Variants in DLG2 observed in about 807,000 individuals in gnomAD.
DLG2 encodes disks large homolog 2.
DLG2 carries 45 observed loss-of-function variants against 132.5 expected under a neutral mutation model. The ratio of observed to expected loss-of-function variants is 0.34; its 90% confidence interval spans 0.27 to 0.44. The LOEUF is 0.44. Ranked by LOEUF, DLG2 falls within the 20% of genes least tolerant of loss-of-function variation. DLG2 has a pLI of 1.00. For missense variants in DLG2, 1,045 were observed against 1,196.9 expected, an observed-to-expected ratio of 0.87 and a Z score of 1.87; for synonymous variants, 424 against 419.6, an observed-to-expected ratio of 1.01 and a Z score of -0.13.
chr11:84,124,554 T>C (rs1420519040), intron 9 of DLG2, among the ~76,000 whole-genome samples: 1 of 152,234 alleles, frequency 6.6e-6, no homozygotes, highest in Non-Finnish European at 1.5e-5. Flanking sequence ...TCTGTCATGA[T>C]AGACGCTTAA....
At chr11:83,635,749 C>T (rs995757981) in intron 18 of DLG2, among the ~76,000 whole-genome samples, 11 of 152,138 alleles carry the variant, frequency 7.2e-5, no homozygotes, top group African/African-American at 2.7e-4. Flanking sequence ...TCTTAATAGT[C>T]TATTCCATAG....
chr11:84,667,504 T>TTTG (rs2099701101), intron 6 of DLG2, among the ~76,000 whole-genome samples: 1 of 144,514 alleles, frequency 6.9e-6, no homozygotes, highest in African/African-American at 2.6e-5. Context: ...TTTTGTTTTT[T>TTTG]TTTTTTTTTT....
chr11:83,777,845 G>A (rs1256465045), intron 18 of DLG2, among the ~76,000 whole-genome samples: 1 of 152,088 alleles, frequency 6.6e-6, no homozygotes, highest in Admixed American at 6.6e-5. Context: ...GTTATTTGAT[G>A]GCATGTTTTA....
At chr11:84,290,786 G>T (rs1160699077) in intron 7 of DLG2, among the ~76,000 whole-genome samples, 3 of 152,116 alleles carry the variant, frequency 2.0e-5, no homozygotes, top group African/African-American at 7.2e-5. Flanking sequence ...CTCCCAGAAA[G>T]TAGAAATTGT....
chr11:84,485,403 T>C (rs1030106019), intron 7 of DLG2, among the ~76,000 whole-genome samples: 25 of 152,252 alleles, frequency 1.6e-4, no homozygotes, highest in East Asian at 1.9e-4. Flanking sequence ...AGGATGATAA[T>C]TGAATAAGCA....
At chr11:85,537,850 C>T (rs112211228) in intron 3 of DLG2, among the ~76,000 whole-genome samples, 23,846 of 151,912 alleles carry the variant, frequency 0.16, 2,545 homozygotes, top group East Asian at 0.28. Flanking sequence ...GGCGTGGTGG[C>T]TCAAGCCTGT....
At chr11:85,082,405 A>T (rs1026177414) in intron 6 of DLG2, among the ~76,000 whole-genome samples, 1 of 152,120 alleles carries the variant, frequency 6.6e-6, no homozygotes, top group African/African-American at 2.4e-5. Context: ...CTCATAGTAA[A>T]AGGTGATCTC....
At chr11:84,140,120 A>C (rs910890648) in intron 9 of DLG2, among the ~76,000 whole-genome samples, 1 of 152,224 alleles carries the variant, frequency 6.6e-6, no homozygotes, top group Admixed American at 6.5e-5. Flanking sequence ...AAACAAAAAA[A>C]CCACAGTCAC....
At chr11:85,331,962 AT>A (rs2081787222) in intron 3 of DLG2, among the ~76,000 whole-genome samples, 1 of 152,182 alleles carries the variant, frequency 6.6e-6, no homozygotes. Context: ...AATGGTTTGT[AT>A]TCCTTTGGGG....
At chr11:84,502,208 T>C (rs201901332) in intron 7 of DLG2, among the ~76,000 whole-genome samples, 198 of 3,310 alleles carry the variant, frequency 0.06, 59 homozygotes, top group Non-Finnish European at 0.073. Flanking sequence ...CTCTCCTTCC[T>C]TCCTTCCTTC....
chr11:84,120,292 C>A (rs1252047442), intron 9 of DLG2, among the ~76,000 whole-genome samples: 1 of 151,962 alleles, frequency 6.6e-6, no homozygotes, highest in Non-Finnish European at 1.5e-5. Flanking sequence ...ACTAAGTAGA[C>A]CCAAATGGAA....
At chr11:84,143,805 G>C (rs2094956317) in intron 9 of DLG2, among the ~76,000 whole-genome samples, 1 of 152,126 alleles carries the variant, frequency 6.6e-6, no homozygotes, top group Non-Finnish European at 1.5e-5. Flanking sequence ...GGAGGAAGCA[G>C]GGAGAAGCAG....
chr11:85,364,510 T>C (rs1596543511), intron 3 of DLG2, among the ~76,000 whole-genome samples: 1 of 152,182 alleles, frequency 6.6e-6, no homozygotes, highest in African/African-American at 2.4e-5. Context: ...ACACATGGAG[T>C]TGCCAGTGAG....
intron 22 of DLG2, among the ~76,000 whole-genome samples, chr11:83,482,265 TC>T (rs574928760): frequency 6.6e-6 from 1 of 152,086 alleles, no homozygotes; most frequent in Non-Finnish European, 1.5e-5. Flanking sequence ...AAAGTCCAGT[TC>T]AATGCAATTT....
intron 18 of DLG2, among the ~76,000 whole-genome samples, chr11:83,711,315 GGTTA>G (rs2085364205): frequency 1.3e-5 from 2 of 152,184 alleles, no homozygotes; most frequent in South Asian, 2.1e-4. Context: ...CACTGCTGAA[GGTTA>G]GTTAGACAGA....
At chr11:84,985,630 C>T (rs1387373925) in intron 6 of DLG2, among the ~76,000 whole-genome samples, 3 of 151,784 alleles carry the variant, frequency 2.0e-5, no homozygotes, top group Non-Finnish European at 2.9e-5. Context: ...AACCAAGATC[C>T]GAGCAGAACT....
intron 14 of DLG2, among the ~76,000 whole-genome samples, chr11:83,933,017 G>C (rs1010917811): frequency 6.6e-6 from 1 of 152,090 alleles, no homozygotes; most frequent in Non-Finnish European, 1.5e-5. Flanking sequence ...CAGACTTCTC[G>C]GCCCTGAGTT....
chr11:84,194,771 C>T (rs1021229360), intron 8 of DLG2, among the ~76,000 whole-genome samples: 2 of 152,214 alleles, frequency 1.3e-5, no homozygotes, highest in Non-Finnish European at 2.9e-5. Flanking sequence ...CACGCTGGGG[C>T]CGCAGGCAGA....
intron 3 of DLG2, among the ~76,000 whole-genome samples, chr11:85,451,886 T>A (rs766307523): frequency 1.8e-4 from 28 of 152,212 alleles, no homozygotes; most frequent in Admixed American, 9.2e-4. Context: ...TGCTCTGTCA[T>A]GGAAATTGAG....
Sources: gnomAD v4.1 joint callset for allele counts (sites outside exome capture counted in the v4.1 genomes callset) on GRCh38, gnomAD v4.1.1 for gene constraint, MANE v1.5 for transcripts, NCBI Gene and HGNC (gene_info 2026-07-23, HGNC 2026-07-21) for gene names.